Variants in TYW1 observed in about 807,000 individuals in gnomAD.
The protein encoded by TYW1 is S-adenosyl-L-methionine-dependent tRNA 4-demethylwyosine synthase TYW1.
A neutral mutation model predicts 96.2 loss-of-function variants in TYW1; 46 were observed. The ratio of observed to expected loss-of-function variants is 0.48; its 90% CI spans 0.38 to 0.61. The LOEUF (loss-of-function observed/expected upper bound fraction) is 0.61. Among genes scored for constraint, TYW1 ranks in the 20% least tolerant of loss-of-function variants. The pLI, the probability that TYW1 is intolerant of heterozygous loss-of-function variation, is 0.00. For missense variants in TYW1, 684 were observed against 909.6 expected (o/e 0.75, Z 3.19); for synonymous variants, 274 against 323.0 (o/e 0.85, Z 1.63).
At chr7:67,164,261 C>T (rs976666136) in intron 13 of TYW1, among the ~76,000 whole-genome samples, 1 of 151,492 alleles carries the variant, frequency 6.6e-6, no homozygotes, top group Admixed American at 6.6e-5. Context: ...TAATGCCATG[C>T]TGCATGTATA....
At chr7:67,049,563 T>C (rs1487170118) in intron 7 of TYW1, among the ~76,000 whole-genome samples, 2 of 152,126 alleles carry the variant, frequency 1.3e-5, no homozygotes, top group Non-Finnish European at 2.9e-5. Flanking sequence ...TATTTATTTT[T>C]TGAGATGGAG....
At chr7:67,036,082 T>C (rs1794834229) in intron 7 of TYW1, among the ~76,000 whole-genome samples, 1 of 148,738 alleles carries the variant, frequency 6.7e-6, no homozygotes, top group Non-Finnish European at 1.5e-5. Context: ...TCTTTAATGC[T>C]GTCGCGCTGC....
At chr7:67,105,038 T>G (rs532653519) in intron 12 of TYW1, among the ~76,000 whole-genome samples, 1 of 152,398 alleles carries the variant, frequency 6.6e-6, no homozygotes, top group African/African-American at 2.4e-5. Context: ...CCCCAGCAGC[T>G]ATGCTGCACT....
intron 13 of TYW1, among the ~76,000 whole-genome samples, chr7:67,141,287 T>C (rs1798440654): frequency 6.6e-6 from 1 of 152,188 alleles, no homozygotes; most frequent in African/African-American, 2.4e-5. Flanking sequence ...ATTTACAGAC[T>C]GGAATATTAA....
At chr7:67,168,173 G>C (rs1799409644) in intron 13 of TYW1, among the ~76,000 whole-genome samples, 1 of 149,224 alleles carries the variant, frequency 6.7e-6, no homozygotes, top group Non-Finnish European at 1.5e-5. Context: ...TGCGTCTATT[G>C]AGATTATATG....
chr7:67,154,114 G>T (rs1798892465), intron 13 of TYW1, among the ~76,000 whole-genome samples: 1 of 151,752 alleles, frequency 6.6e-6, no homozygotes, highest in African/African-American at 2.4e-5. Context: ...AGTAGAGATG[G>T]GGTTTCACCA....
At chr7:67,111,427 C>G (rs1797402230) in intron 12 of TYW1, among the ~76,000 whole-genome samples, 2 of 152,176 alleles carry the variant, frequency 1.3e-5, no homozygotes, top group African/African-American at 4.8e-5. Flanking sequence ...TCTTGAACTC[C>G]TGACCTCAAG....
intron 15 of TYW1, among the ~76,000 whole-genome samples, chr7:67,218,418 G>A (rs1485137432): frequency 6.6e-6 from 1 of 151,434 alleles, no homozygotes; most frequent in African/African-American, 2.4e-5. Context: ...CAGTGGCATG[G>A]TCTCAACTTG....
intron 12 of TYW1, among the ~76,000 whole-genome samples, chr7:67,116,725 C>T (rs1350237813): frequency 6.6e-6 from 1 of 151,714 alleles, no homozygotes; most frequent in Non-Finnish European, 1.5e-5. Flanking sequence ...AGAAGAAGGA[C>T]CTACTAGAAA....
At chr7:67,023,319 A>T (rs192620049) in intron 6 of TYW1, among the ~76,000 whole-genome samples, 17 of 151,758 alleles carry the variant, frequency 1.1e-4, no homozygotes, top group Admixed American at 1.1e-3. Context: ...CTTGTCTCGA[A>T]CTCTTGACCT....
chr7:67,221,781 C>T (rs1801399477), intron 15 of TYW1, among the ~76,000 whole-genome samples: 1 of 152,120 alleles, frequency 6.6e-6, no homozygotes, highest in Non-Finnish European at 1.5e-5. Flanking sequence ...AGCTCTGTTC[C>T]CACCCATTTC....
intron 12 of TYW1, among the ~76,000 whole-genome samples, chr7:67,105,668 T>C (rs1797214964): frequency 6.6e-6 from 1 of 152,178 alleles, no homozygotes; most frequent in Non-Finnish European, 1.5e-5. Context: ...CATCTGCCAC[T>C]TGTCAGAGGT....
chr7:67,174,162 T>C (rs944551150), intron 13 of TYW1, among the ~76,000 whole-genome samples: 4 of 151,524 alleles, frequency 2.6e-5, no homozygotes, highest in Non-Finnish European at 4.4e-5. Flanking sequence ...CTTGGGATAT[T>C]CTGAATTTAC....
In TYW1 at chr7:67,025,792, C is replaced by T. The variant is rs1486459890; in HGVS notation, c.984+770C>T. Among the ~76,000 whole-genome samples, 6 of 152,074 alleles carry T rather than the reference C, an allele frequency of 3.9e-5. No homozygotes were observed. In the East Asian group the frequency reaches 7.7e-4, roughly 20 times the overall value. On this transcript the variant is annotated intron_variant, in intron 7 of 15. Coordinates refer to ENST00000359626, the MANE Select transcript of TYW1 (RefSeq NM_018264.4). ...TGTGTATACTATACTATAAAAATAA[C>T]AGCCTCAATTTAACTGTGAGTTTTG...
At chr7:67,100,423 A>C (rs1244965388) in intron 12 of TYW1, among the ~76,000 whole-genome samples, 2 of 151,192 alleles carry the variant, frequency 1.3e-5, no homozygotes, top group Non-Finnish European at 2.9e-5. Context: ...ATCTCGGTGC[A>C]TTTTTTGCCT....
intron 15 of TYW1, among the ~76,000 whole-genome samples, chr7:67,227,392 G>C (rs1584720102): frequency 6.6e-6 from 1 of 152,296 alleles, no homozygotes; most frequent in East Asian, 1.9e-4. Context: ...ACGTAGCTGG[G>C]ATTACAGGCA....
intron 7 of TYW1, among the ~76,000 whole-genome samples, chr7:67,045,030 A>T (rs897833711): frequency 2.0e-5 from 3 of 152,220 alleles, no homozygotes; most frequent in Non-Finnish European, 2.9e-5. Context: ...TTTGGTAAGA[A>T]AAAGCTTGTT....
At chr7:67,191,467 C>T (rs189061518) in intron 14 of TYW1, among the ~76,000 whole-genome samples, 45 of 151,924 alleles carry the variant, frequency 3.0e-4, no homozygotes, top group African/African-American at 1.0e-3. Context: ...TCCATCACCA[C>T]GCTGTACCCA....
At chr7:67,068,265 G>A (rs556463773) in intron 10 of TYW1, among the ~76,000 whole-genome samples, 13 of 152,152 alleles carry the variant, frequency 8.5e-5, no homozygotes, top group African/African-American at 1.9e-4. Context: ...CAGGTGATCC[G>A]CCCGCCTTGG....
Sources: gnomAD v4.1 joint callset for allele counts (sites outside exome capture counted in the v4.1 genomes callset) on GRCh38, gnomAD v4.1.1 for gene constraint, MANE v1.5 for transcripts, NCBI Gene and HGNC (gene_info 2026-07-23, HGNC 2026-07-21) for gene names.